Variants in B3GALT5 observed in about 807,000 individuals in gnomAD.
The protein encoded by B3GALT5 is UDP-Gal:betaGlcNAc beta 1,3-galactosyltransferase, polypeptide 5.
For synonymous variants in B3GALT5, 156 were observed against 158.6 expected (o/e 0.98, Z 0.12); for missense variants, 328 against 396.6 (o/e 0.83, Z 1.47).
chr21:39,653,720 G>C (rs911551723), intron 2 of B3GALT5, among the ~76,000 whole-genome samples: 7 of 152,208 alleles, frequency 4.6e-5, no homozygotes, highest in African/African-American at 1.7e-4. Context: ...TGATGTCTCT[G>C]CCATTCAGTG....
In B3GALT5 at chr21:39,646,110, G is replaced by A. The variant is rs79997342; in HGVS notation, c.-391-282G>A. ...ATCGAGAACAGAGAATGCGTGGTGCGACCGAAGGTCTCCTGCTGGTGTGGA... is the reference window on the plus strand; with the variant it reads ...ATCGAGAACAGAGAATGCGTGGTGCAACCGAAGGTCTCCTGCTGGTGTGGA... On this transcript the variant is annotated intron_variant, in intron 1 of 3. Transcript: ENST00000684187. 2.7e-3 allele frequency among the ~76,000 whole-genome samples: 415 copies of A among 152,014 alleles called. 6 individuals carry two copies. Among genetic ancestry groups the A allele is most frequent in the African/African-American group, 8.6e-3 (356 of 41,442 alleles).
intron 2 of B3GALT5, among the ~76,000 whole-genome samples, chr21:39,654,385 T>C (rs1157746038): frequency 6.6e-6 from 1 of 152,168 alleles, no homozygotes; most frequent in Non-Finnish European, 1.5e-5. Context: ...GTCGACTTCA[T>C]GATAAAACTT....
At position 39,668,633 on chromosome 21, in the gene B3GALT5, C is replaced by G. The variant is rs961317258; in HGVS notation, c.*7141C>G. ...GCGGGAGGGACAAGCTTGCATGGCACCCAGCTGTGGTACATTTAGAACTCG... is the reference window on the plus strand; with the variant it reads ...GCGGGAGGGACAAGCTTGCATGGCAGCCAGCTGTGGTACATTTAGAACTCG... On this transcript the variant is annotated 3_prime_UTR_variant, in exon 4 of 4. Transcript: ENST00000684187. The G allele has an allele frequency of 6.6e-6, 1 of 152,184 alleles. No individual in the cohort carries two copies. Among genetic ancestry groups the G allele is most frequent in the Non-Finnish European group, 1.5e-5 (1 of 68,080 alleles). The allele number at this position is 152,184 out of a possible 1,614,324, so 9.4% of individuals were successfully genotyped here.
At chr21:39,616,199 T>A (rs140592801) in intron 1 of B3GALT5, among the ~76,000 whole-genome samples, 8 of 152,330 alleles carry the variant, frequency 5.3e-5, no homozygotes, top group African/African-American at 1.9e-4. Context: ...GAAAGAGCTC[T>A]GATTTTTTAT....
intron 1 of B3GALT5, among the ~76,000 whole-genome samples, chr21:39,634,623 C>T (rs1190810706): frequency 6.6e-6 from 1 of 152,104 alleles, no homozygotes; most frequent in Non-Finnish European, 1.5e-5. Flanking sequence ...GGCAGCTGTG[C>T]AGGCCAGCAT....
intron 2 of B3GALT5, among the ~76,000 whole-genome samples, chr21:39,650,186 A>G (rs2079381804): frequency 6.6e-6 from 1 of 152,188 alleles, no homozygotes; most frequent in Non-Finnish European, 1.5e-5. Context: ...AAATAAAATA[A>G]ATACAGGTGA....
At chr21:39,638,981 C>T (rs141036695) in intron 1 of B3GALT5, among the ~76,000 whole-genome samples, 1 of 152,304 alleles carries the variant, frequency 6.6e-6, no homozygotes, top group African/African-American at 2.4e-5. Flanking sequence ...AAGCCAGTTT[C>T]CCGTGTACAG....
At position 39,665,673 on chromosome 21, in the gene B3GALT5, G is replaced by C. The variant is rs1184202426; in HGVS notation, c.*4181G>C. 6.6e-6 allele frequency: 1 copy of C among 152,154 alleles called. No individual in the cohort carries two copies. The highest frequency in any genetic ancestry group is 1.5e-5 in the Non-Finnish European group (1 of 68,070). 9.4% of individuals were successfully genotyped at this position (152,154 alleles called of 1,614,324 possible). ...CTTTCTTCAGATGCTCTCATGCTTC[G>C]CTTCTTTGCCTTGTTGACATTTGGT... On this transcript the variant is annotated 3_prime_UTR_variant, in exon 4 of 4. Coordinates refer to ENST00000684187, the MANE Select transcript of B3GALT5 (RefSeq NM_001356336.2).
At chr21:39,654,284 G>C (rs868561900) in intron 2 of B3GALT5, among the ~76,000 whole-genome samples, 4 of 152,348 alleles carry the variant, frequency 2.6e-5, no homozygotes, top group South Asian at 4.1e-4. Flanking sequence ...GTTTTGCCAT[G>C]TTGGCCAGGC....
intron 2 of B3GALT5, among the ~76,000 whole-genome samples, chr21:39,656,278 G>A (rs2079443514): frequency 6.6e-6 from 1 of 152,140 alleles, no homozygotes; most frequent in African/African-American, 2.4e-5. Flanking sequence ...CTATGCGGTG[G>A]TGAGAATCTC....
In B3GALT5 at chr21:39,670,030, G is replaced by A. The variant is rs566416636; in HGVS notation, c.*8538G>A. ...TCTGTGTCATTCCCAAGGACCTCCC[G>A]TTTAGCTGGATCCCCTGACCTGTCC... On this transcript the variant is annotated 3_prime_UTR_variant, in exon 4 of 4. Coordinates refer to ENST00000684187, the MANE Select transcript of B3GALT5 (RefSeq NM_001356336.2). 1.4e-4 allele frequency: 21 copies of A among 152,176 alleles called. No individual in the cohort carries two copies. Among genetic ancestry groups the A allele is most frequent in the African/African-American group, 4.6e-4 (19 of 41,410 alleles). 9.4% of individuals were successfully genotyped at this position (152,176 alleles called of 1,614,324 possible). A position where few individuals can be genotyped will look rare whatever the true frequency, so the allele number is the denominator to read the frequency against.
intron 1 of B3GALT5, among the ~76,000 whole-genome samples, chr21:39,644,095 G>T (rs1170897096): frequency 6.6e-6 from 1 of 152,040 alleles, no homozygotes; most frequent in Non-Finnish European, 1.5e-5. Flanking sequence ...TAAGAAATAG[G>T]CAATTTTCAT....
intron 1 of B3GALT5, among the ~76,000 whole-genome samples, chr21:39,635,893 CT>C (rs998413827): frequency 2.6e-5 from 4 of 152,204 alleles, no homozygotes; most frequent in African/African-American, 9.7e-5. Flanking sequence ...TCTTAGTTTC[CT>C]TTTCCCTCTT....
rs759867553 is a variant in B3GALT5 at position 39,666,250 on chromosome 21, C to A, written c.*4758C>A. 6.6e-6 allele frequency: 1 copy of A among 152,250 alleles called. No individual in the cohort carries two copies. The highest frequency in any genetic ancestry group is 1.5e-5 in the Non-Finnish European group (1 of 68,084). The allele number at this position is 152,250 out of a possible 1,614,324, so 9.4% of individuals were successfully genotyped here. ...ACGGTGCAGTCTGTGCGCCTGTCCT[C>A]CAGCCCGACACCTGGCCAGTCCTGT... On this transcript the variant is annotated 3_prime_UTR_variant, in exon 4 of 4. Transcript: ENST00000684187.
At chr21:39,651,381 C>T (rs1372554503) in intron 2 of B3GALT5, among the ~76,000 whole-genome samples, 1 of 152,214 alleles carries the variant, frequency 6.6e-6, no homozygotes, top group Non-Finnish European at 1.5e-5. Context: ...ACTCCAGGCC[C>T]TCCCGCAGGC....
intron 1 of B3GALT5, among the ~76,000 whole-genome samples, chr21:39,642,579 C>T (rs754295985): frequency 6.6e-6 from 1 of 152,132 alleles, no homozygotes; most frequent in African/African-American, 2.4e-5. Flanking sequence ...TTGGATGTTT[C>T]TGTTTGCTCT....
intron 1 of B3GALT5, among the ~76,000 whole-genome samples, chr21:39,619,262 G>A (rs2079122635): frequency 6.6e-6 from 1 of 152,186 alleles, no homozygotes; most frequent in South Asian, 2.1e-4. Context: ...CTTCAGGGAT[G>A]CAGATACATC....
chr21:39,644,135 C>T (rs1249289105), intron 1 of B3GALT5, among the ~76,000 whole-genome samples: 1 of 151,992 alleles, frequency 6.6e-6, no homozygotes, highest in Non-Finnish European at 1.5e-5. Flanking sequence ...TCATTCATGC[C>T]TTTGTCTGGC....
intron 2 of B3GALT5, among the ~76,000 whole-genome samples, chr21:39,654,074 T>C (rs1311147981): frequency 6.6e-6 from 1 of 152,256 alleles, no homozygotes; most frequent in Non-Finnish European, 1.5e-5. Flanking sequence ...TAATTGCTGC[T>C]GGGTCTGTGT....
Sources: allele counts gnomAD v4.1 joint callset (sites outside exome capture counted in the v4.1 genomes callset), GRCh38; gene constraint gnomAD v4.1.1; transcripts MANE v1.5; gene names NCBI Gene and HGNC (gene_info 2026-07-23, HGNC 2026-07-21).